PEX14: variants seen among roughly 807,000 people sequenced by gnomAD.
PEX14 encodes the protein peroxisomal biogenesis factor 14, also known as peroxisomal membrane protein PEX14.
Under a neutral mutation model 49.5 loss-of-function variants are expected in PEX14, and 15 were observed. The observed-to-expected ratio is 0.30, with a 90% CI of 0.20 to 0.47. The LOEUF is 0.47. Ranked by LOEUF, PEX14 falls within the 20% of genes least tolerant of loss-of-function variation. PEX14 has a pLI of 1.00. For synonymous variants in PEX14, 210 were observed against 212.7 expected (o/e 0.99, Z 0.11); for missense variants, 398 against 494.8 (o/e 0.80, Z 1.86).
intron 2 of PEX14, among the ~76,000 whole-genome samples, chr1:10,517,375 T>A (rs1641988797): frequency 1.3e-5 from 2 of 152,206 alleles, no homozygotes; most frequent in Non-Finnish European, 1.5e-5. Context: ...TAGGCACTGA[T>A]CGGGTCGGTT....
chr1:10,550,072 G>A (rs2183377), intron 3 of PEX14, among the ~76,000 whole-genome samples: 23,679 of 152,168 alleles, frequency 0.16, 2,115 homozygotes, highest in South Asian at 0.31. Flanking sequence ...CAGAGGCCTG[G>A]GGTGGAAGCA....
rs990107757 is a variant in PEX14 at position 10,613,031 on chromosome 1, T to C, written c.299-5301T>C. On this transcript the variant is annotated intron_variant, in intron 4 of 8. Transcript: ENST00000356607. This position sits in a 1 kb window ranked among gnomAD's most constrained non-coding sequence, Gnocchi z 5.0. ...AGCCAGCACATCACTGGAGTGCCTGTTGTCTCGGCAGGATGGTTCCGTGAC... is the reference window on the plus strand; with the variant it reads ...AGCCAGCACATCACTGGAGTGCCTGCTGTCTCGGCAGGATGGTTCCGTGAC... Among the ~76,000 whole-genome samples the C allele has an allele frequency of 1.3e-5, 2 of 152,232 alleles. No homozygotes were observed. Among genetic ancestry groups the C allele is most frequent in the African/African-American group, 4.8e-5 (2 of 41,478 alleles).
intron 2 of PEX14, among the ~76,000 whole-genome samples, chr1:10,498,072 G>A (rs757816465): frequency 1.3e-5 from 2 of 152,166 alleles, no homozygotes; most frequent in Non-Finnish European, 2.9e-5. Flanking sequence ...TTGAGGCCAG[G>A]AGTTTGAGAC....
intron 4 of PEX14, among the ~76,000 whole-genome samples, chr1:10,602,754 A>G (rs1641022748): frequency 6.6e-6 from 1 of 152,204 alleles, no homozygotes; most frequent in Admixed American, 6.5e-5. Context: ...CTTAATTACA[A>G]GCAAACTCAG....
In PEX14 at chr1:10,481,915, A is replaced by T. The variant is rs556139465; in HGVS notation, c.36+6913A>T. On this transcript the variant is annotated intron_variant, in intron 1 of 8. Transcript: ENST00000356607. ...TTCGGCTCACTGCAAACTGCTTCCC[A>T]GGCTCAAGCCATCCTCCTACCTCAG... Among the ~76,000 whole-genome samples, 3 of 138,850 alleles carry T rather than the reference A, an allele frequency of 2.2e-5. No homozygotes were observed. The South Asian group carries it at 6.7e-4, about 31-fold the overall frequency. The allele number at this position is 138,850 out of a possible 152,430, so 91.1% of individuals were successfully genotyped here. A position where few individuals can be genotyped will look rare whatever the true frequency, so the allele number is the denominator to read the frequency against.
intron 3 of PEX14, among the ~76,000 whole-genome samples, chr1:10,552,116 A>G (rs1389404299): frequency 2.6e-5 from 4 of 151,860 alleles, no homozygotes; most frequent in Non-Finnish European, 5.9e-5. Context: ...GTTATACTGC[A>G]TACTGCATAC....
At chr1:10,511,903 A>G (rs1346615150) in intron 2 of PEX14, among the ~76,000 whole-genome samples, 3 of 152,086 alleles carry the variant, frequency 2.0e-5, no homozygotes, top group Non-Finnish European at 2.9e-5. Flanking sequence ...TTCTCTCCAG[A>G]GGTGTCACAT....
At chr1:10,618,273 C>A in intron 4 of PEX14, 59 bp from the exon 5 acceptor site, 1 of 1,373,032 alleles carries the variant, frequency 7.3e-7, no homozygotes, top group East Asian at 2.3e-5. Flanking sequence ...TGTGCCAGCC[C>A]CCACCCGAAG....
chr1:10,581,453 C>T (rs1238594883), intron 3 of PEX14, among the ~76,000 whole-genome samples: 3 of 151,414 alleles, frequency 2.0e-5, no homozygotes, highest in Admixed American at 6.6e-5. Flanking sequence ...TTACAGGCGC[C>T]CGCCACCATA....
intron 3 of PEX14, among the ~76,000 whole-genome samples, chr1:10,558,996 A>G (rs1359546140): frequency 6.6e-6 from 1 of 152,182 alleles, no homozygotes; most frequent in African/African-American, 2.4e-5. Context: ...GCCAATAGTT[A>G]GGAAAGCTGT....
chr1:10,587,884 A>G (rs1211194821), intron 3 of PEX14, among the ~76,000 whole-genome samples: 1 of 143,596 alleles, frequency 7.0e-6, no homozygotes, highest in East Asian at 2.1e-4. Flanking sequence ...ACATATGTAT[A>G]CACACATGTG....
intron 3 of PEX14, among the ~76,000 whole-genome samples, chr1:10,546,562 T>TC (rs1639178650): frequency 3.7e-5 from 2 of 54,302 alleles, no homozygotes; most frequent in Non-Finnish European, 6.5e-5. Context: ...AGACTCTGTT[T>TC]CAAAAAAAAA....
At position 10,597,543 on chromosome 1, in the gene PEX14, C is replaced by T. The variant is rs545115536; in HGVS notation, c.170-1695C>T. Among the ~76,000 whole-genome samples, 2 of 152,294 alleles carry T rather than the reference C, an allele frequency of 1.3e-5. No individual in the cohort carries two copies. The highest frequency in any genetic ancestry group is 3.9e-4 in the East Asian group (2 of 5,184). ...TAAAGCAGTCCCTTTGCAGCAAGCA[C>T]CCCCTCTCTAGCTCCACTCTACTGA... On this transcript the variant is annotated intron_variant, in intron 3 of 8. Transcript: ENST00000356607. The surrounding 1 kb of genome is among the most constrained non-coding windows in gnomAD (Gnocchi z 5.7).
chr1:10,516,656 A>C (rs964918297), intron 2 of PEX14, among the ~76,000 whole-genome samples: 2 of 152,248 alleles, frequency 1.3e-5, no homozygotes, highest in Non-Finnish European at 2.9e-5. Context: ...ACATGGGTAC[A>C]AACCAGCTTC....
rs1362085084 is a variant in PEX14, at chr1:10,577,588, T to G, written c.170-21650T>G. 7.9e-3 allele frequency among the ~76,000 whole-genome samples: 168 copies of G among 21,360 alleles called. 5 individuals are homozygous for G. The highest frequency in any genetic ancestry group is 0.031 in the African/African-American group (164 of 5,344). The allele number at this position is 21,360 out of a possible 152,430, so 14.0% of individuals were successfully genotyped here. On this transcript the variant is annotated intron_variant, in intron 3 of 8. Transcript: ENST00000356607. The stretch of plus-strand genomic sequence containing the variant: ...TTTTTTTTTTTTTTTTTTTTTTTTT[T>G]TTTTTTTTTTTTTTTTTTTTTTGGA...
intron 3 of PEX14, among the ~76,000 whole-genome samples, chr1:10,559,604 C>T (rs759016478): frequency 9.2e-5 from 14 of 152,122 alleles, no homozygotes; most frequent in Non-Finnish European, 1.8e-4. Flanking sequence ...CTCTCAACAC[C>T]ACGGCAGCCT....
chr1:10,483,386 G>C (rs752949939), intron 1 of PEX14, among the ~76,000 whole-genome samples: 2 of 151,728 alleles, frequency 1.3e-5, no homozygotes, highest in Non-Finnish European at 2.9e-5. Flanking sequence ...GTATGATCTC[G>C]GCTTACTGCA....
intron 3 of PEX14, among the ~76,000 whole-genome samples, chr1:10,555,009 TC>T: frequency 6.6e-6 from 1 of 152,298 alleles, no homozygotes; most frequent in African/African-American, 2.4e-5. Flanking sequence ...TCTGCTTTTG[TC>T]CAGCCTTCCC....
intron 4 of PEX14, among the ~76,000 whole-genome samples, chr1:10,602,031 G>A (rs888184639): frequency 7.9e-5 from 12 of 152,170 alleles, no homozygotes; most frequent in African/African-American, 7.2e-5. Flanking sequence ...AACATCATAT[G>A]TTCACCTACT....
Sources: allele counts gnomAD v4.1 joint callset (sites outside exome capture counted in the v4.1 genomes callset), GRCh38; gene constraint gnomAD v4.1.1; non-coding constraint Gnocchi (gnomAD v3.1); transcripts MANE v1.5; gene names NCBI Gene and HGNC (gene_info 2026-07-23, HGNC 2026-07-21).